The following TSHZ3 variants were observed in gnomAD, a reference collection of about 807,000 sequenced individuals.
TSHZ3 encodes teashirt homolog 3.
TSHZ3 carries 10 observed loss-of-function variants against 64.5 expected under a neutral mutation model. That is an observed-to-expected ratio of 0.16 (90% CI 0.10 to 0.26). The LOEUF (loss-of-function observed/expected upper bound fraction) is 0.26, where lower values mean the gene tolerates loss of function less well. TSHZ3 is among the 10% of genes least tolerant of loss of function. TSHZ3 has a pLI of 1.00. For missense variants in TSHZ3, 1,242 were observed against 1,421.7 expected (o/e 0.87, Z 2.03); for synonymous variants, 608 against 593.1 (o/e 1.03, Z -0.36).
At chr19:31,219,108 G>C (rs189469638) in intron 4 of TSHZ3, among the ~76,000 whole-genome samples, 2 of 152,170 alleles carry the variant, frequency 1.3e-5, no homozygotes, top group Non-Finnish European at 2.9e-5. Flanking sequence ...GAAGTTCTTC[G>C]AAGCTGACAG....
chr19:31,335,726 C>T (rs977986192), intron 1 of TSHZ3, among the ~76,000 whole-genome samples: 1 of 152,214 alleles, frequency 6.6e-6, no homozygotes, highest in African/African-American at 2.4e-5. Context: ...CAGGTGAGAC[C>T]TCTGTGAGGG....
At chr19:31,302,376 C>G (rs1214047778) in intron 1 of TSHZ3, among the ~76,000 whole-genome samples, 2 of 152,202 alleles carry the variant, frequency 1.3e-5, no homozygotes, top group East Asian at 3.9e-4. Flanking sequence ...CTCCAACCTA[C>G]TCAATAAGAA....
At chr19:31,321,660 G>A (rs1916774901) in intron 1 of TSHZ3, among the ~76,000 whole-genome samples, 1 of 152,120 alleles carries the variant, frequency 6.6e-6, no homozygotes, top group African/African-American at 2.4e-5. Flanking sequence ...GGCCCGACGT[G>A]GACAGCAGTA....
chr19:31,336,273 G>C (rs1454301459), intron 1 of TSHZ3, among the ~76,000 whole-genome samples: 1 of 152,166 alleles, frequency 6.6e-6, no homozygotes, highest in East Asian at 1.9e-4. Context: ...CGAACTTCCT[G>C]AACTATGACA....
At chr19:31,197,758 T>C (rs973220854) in intron 5 of TSHZ3, among the ~76,000 whole-genome samples, 2 of 151,968 alleles carry the variant, frequency 1.3e-5, no homozygotes, top group African/African-American at 4.8e-5. Context: ...TAAGGAGAAA[T>C]TGACAATTTT....
intron 1 of TSHZ3, among the ~76,000 whole-genome samples, chr19:31,288,117 TTTTG>T (rs555266430): frequency 7.2e-5 from 11 of 152,124 alleles, no homozygotes; most frequent in Admixed American, 1.3e-4. Context: ...CTTTATTGTT[TTTTG>T]TTTGTTAATC....
intron 5 of TSHZ3, among the ~76,000 whole-genome samples, chr19:31,199,400 C>CAAAAAAAAAAAAAAAAA (rs61428496): frequency 6.1e-5 from 6 of 98,572 alleles, no homozygotes; most frequent in African/African-American, 1.2e-4. Context: ...GAGACTCCGC[C>CAAAAAAAAAAAAAAAAA]AAAAAAAAAA....
chr19:31,329,064 C>T (rs567728545), intron 1 of TSHZ3, among the ~76,000 whole-genome samples: 182 of 152,284 alleles, frequency 1.2e-3, no homozygotes, highest in Non-Finnish European at 1.9e-3. Flanking sequence ...GAAATGCTCA[C>T]ATTTCATCAT....
intron 1 of TSHZ3, among the ~76,000 whole-genome samples, chr19:31,256,375 A>G (rs1000238510): frequency 9.2e-5 from 14 of 152,242 alleles, no homozygotes; most frequent in Admixed American, 5.2e-4. Context: ...TTCCAGGTGC[A>G]GTAGACAGAG....
chr19:31,181,652 G>GT (rs1458345806), intron 5 of TSHZ3, among the ~76,000 whole-genome samples: 3 of 152,280 alleles, frequency 2.0e-5, no homozygotes, highest in African/African-American at 7.2e-5. Context: ...CAGAATTTGT[G>GT]TTTTGTTGGT....
chr19:31,178,610 C>T (rs1388204899), intron 5 of TSHZ3, among the ~76,000 whole-genome samples: 4 of 152,122 alleles, frequency 2.6e-5, no homozygotes, highest in East Asian at 1.9e-4. Context: ...AACCGGGAGG[C>T]GGAGGTTGTA....
intron 3 of TSHZ3, among the ~76,000 whole-genome samples, chr19:31,231,378 A>G (rs1379481300): frequency 1.3e-5 from 2 of 152,206 alleles, no homozygotes; most frequent in African/African-American, 4.8e-5. Flanking sequence ...TGCTTACAGG[A>G]GCATTTTTCC....
chr19:31,306,527 G>A (rs1350666030), intron 1 of TSHZ3, among the ~76,000 whole-genome samples: 1 of 152,178 alleles, frequency 6.6e-6, no homozygotes, highest in African/African-American at 2.4e-5. Context: ...GTGCACGTGC[G>A]TGGGTGCGCA....
chr19:31,323,571 T>C (rs529568725), intron 1 of TSHZ3, among the ~76,000 whole-genome samples: 6 of 152,306 alleles, frequency 3.9e-5, no homozygotes, highest in Non-Finnish European at 8.8e-5. Flanking sequence ...GTCAAAGAAC[T>C]CTACCAAGTG....
chr19:31,338,510 C>T (rs995638508), intron 1 of TSHZ3, among the ~76,000 whole-genome samples: 3 of 151,950 alleles, frequency 2.0e-5, no homozygotes, highest in African/African-American at 7.3e-5. Flanking sequence ...ACCAAGCCAA[C>T]CAAAAGATTT....
intron 1 of TSHZ3, among the ~76,000 whole-genome samples, chr19:31,313,281 G>C (rs1916510939): frequency 6.6e-6 from 1 of 152,210 alleles, no homozygotes; most frequent in Non-Finnish European, 1.5e-5. Flanking sequence ...AGTTGGAGGA[G>C]GTAGTGGTTA....
intron 5 of TSHZ3, among the ~76,000 whole-genome samples, chr19:31,196,121 T>C (rs1480007570): frequency 6.6e-6 from 1 of 151,870 alleles, no homozygotes; most frequent in Admixed American, 6.6e-5. Flanking sequence ...TTATATGAAA[T>C]AAATGAAAAC....
Position 31,316,914 on chromosome 19 carries a change from G to A in TSHZ3, c.40+32266C>T, listed in dbSNP as rs141152957. Among the ~76,000 whole-genome samples the A allele has an allele frequency of 2.1e-3, 312 of 152,018 alleles. 1 individual carries two copies. The highest frequency in any genetic ancestry group is 6.8e-3 in the African/African-American group (284 of 41,466). ...CAATTATTTGAGTCACATATGCTCC[G>A]GCCAAATATTCTCTGCTTGCTTTTA... On this transcript the variant is annotated intron_variant, in intron 1 of 1. Coordinates refer to ENST00000240587, the MANE Select transcript of TSHZ3 (RefSeq NM_020856.4).
chr19:31,303,616 C>A (rs1976792020), intron 1 of TSHZ3, among the ~76,000 whole-genome samples: 1 of 152,060 alleles, frequency 6.6e-6, no homozygotes, highest in African/African-American at 2.4e-5. Flanking sequence ...GCTCTCATGC[C>A]CCGACCCCGC....
Sources: allele counts gnomAD v4.1 joint callset (sites outside exome capture counted in the v4.1 genomes callset), GRCh38; gene constraint gnomAD v4.1.1; transcripts MANE v1.5; gene names NCBI Gene and HGNC (gene_info 2026-07-23, HGNC 2026-07-21).